FRMPD4: variants seen among roughly 807,000 people sequenced by gnomAD.
FRMPD4 encodes FERM and PDZ domain-containing protein 4.
FRMPD4 carries 22 observed loss-of-function variants against 94.1 expected under a neutral mutation model. That is an observed-to-expected ratio of 0.23 (90% CI 0.17 to 0.33). The LOEUF (loss-of-function observed/expected upper bound fraction) is 0.33. FRMPD4 is among the 10% of genes least tolerant of loss of function. FRMPD4 has a pLI of 1.00. For missense variants in FRMPD4, 1,111 were observed against 1,339.9 expected (o/e 0.83, Z 2.67); for synonymous variants, 631 against 548.6 (o/e 1.15, Z -2.10).
chrX:11,916,603 C>G (rs753775688), intron 3 of FRMPD4, among the ~76,000 whole-genome samples: 103 of 111,073 alleles, frequency 9.3e-4, no homozygotes, highest in African/African-American at 3.2e-3. Context: ...TATCTCACCT[C>G]CCATGAAGGC....
intron 3 of FRMPD4, among the ~76,000 whole-genome samples, chrX:12,024,339 T>A (rs1032430872): frequency 1.8e-5 from 2 of 112,114 alleles, no homozygotes; most frequent in African/African-American, 6.5e-5. Flanking sequence ...TTATATACCA[T>A]TGTACAGATG....
intron 2 of FRMPD4, among the ~76,000 whole-genome samples, chrX:12,522,854 C>G (rs1296705717): frequency 9.0e-6 from 1 of 111,687 alleles, no homozygotes; most frequent in Non-Finnish European, 1.9e-5. Context: ...CTGCCCACCT[C>G]TGCCTCCCAT....
intron 3 of FRMPD4, among the ~76,000 whole-genome samples, chrX:12,120,001 A>T (rs779856186): frequency 1.2e-4 from 14 of 112,442 alleles, no homozygotes; most frequent in Non-Finnish European, 2.3e-4. Context: ...TTTCTTAATG[A>T]ACTATTCTAG....
chrX:12,511,380 TAAAC>T (rs2058040665), intron 2 of FRMPD4, among the ~76,000 whole-genome samples: 2 of 111,408 alleles, frequency 1.8e-5, no homozygotes, highest in African/African-American at 6.5e-5. Flanking sequence ...GGAACACAGA[TAAAC>T]AACTAAATAA....
chrX:12,613,191 T>C (rs113155293), intron 3 of FRMPD4, among the ~76,000 whole-genome samples: 225 of 112,500 alleles, frequency 2.0e-3, no homozygotes, highest in African/African-American at 6.9e-3. Flanking sequence ...TGGGAGGTAA[T>C]TGCACATGTC....
chrX:12,416,526 G>A (rs897105357), intron 1 of FRMPD4, among the ~76,000 whole-genome samples: 14 of 112,132 alleles, frequency 1.2e-4, no homozygotes, highest in East Asian at 8.3e-4. Context: ...GTTCTTTTTC[G>A]ATTTATGTAA....
At chrX:12,233,940 C>T (rs1265454297) in intron 1 of FRMPD4, among the ~76,000 whole-genome samples, 1 of 110,826 alleles carries the variant, frequency 9.0e-6, no homozygotes, top group Non-Finnish European at 1.9e-5. Context: ...ATATCTTCTG[C>T]CATTTCCTTC....
chrX:12,629,357 G>A (rs966247048), intron 4 of FRMPD4, among the ~76,000 whole-genome samples: 2 of 112,015 alleles, frequency 1.8e-5, no homozygotes, highest in Non-Finnish European at 3.8e-5. Context: ...AAACTTTGGT[G>A]ACTATTTCAA....
chrX:12,193,840 AAG>A (rs2056533577), intron 1 of FRMPD4, among the ~76,000 whole-genome samples: 1 of 79,529 alleles, frequency 1.3e-5, no homozygotes, highest in African/African-American at 5.1e-5. Flanking sequence ...GGAAGGAAGA[AAG>A]AAAAGAAAGA....
In FRMPD4 at chrX:12,238,339, G is replaced by A. The variant is rs758790786; in HGVS notation, c.41+99327G>A. On this transcript the variant is annotated intron_variant, in intron 1 of 16. Transcript: ENST00000675598. ...GGGTTTCTCCGTGTTGGTCAGGCTG[G>A]TCTCGAACTCTCGACCTCAGGTGAT... Among the ~76,000 whole-genome samples the A allele has an allele frequency of 2.7e-5, 3 of 110,236 alleles. No individual in the cohort carries two copies. The South Asian group carries it at 1.2e-3, about 44-fold the overall frequency.
chrX:12,111,007 T>C (rs1003208740), intron 3 of FRMPD4, among the ~76,000 whole-genome samples: 1 of 111,700 alleles, frequency 9.0e-6, no homozygotes, highest in Admixed American at 9.5e-5. Flanking sequence ...AGGTAATTTA[T>C]AGATTCAATG....
chrX:11,945,859 G>A (rs779758063), intron 3 of FRMPD4, among the ~76,000 whole-genome samples: 9 of 111,825 alleles, frequency 8.0e-5, no homozygotes, highest in African/African-American at 1.3e-4. Flanking sequence ...GTGAGATTTG[G>A]AGGAGACAAA....
chrX:12,530,852 T>C (rs766832155), intron 2 of FRMPD4, among the ~76,000 whole-genome samples: 1 of 111,801 alleles, frequency 8.9e-6, no homozygotes, highest in Admixed American at 9.6e-5. Flanking sequence ...GATGGATGAA[T>C]AGATGAATGG....
chrX:12,110,909 T>C (rs765382678), intron 3 of FRMPD4, among the ~76,000 whole-genome samples: 1 of 110,875 alleles, frequency 9.0e-6, no homozygotes, highest in African/African-American at 3.3e-5. Flanking sequence ...CACTGCTCAA[T>C]GAAATAAAAG....
chrX:12,538,322 C>T (rs1007253831), intron 2 of FRMPD4, among the ~76,000 whole-genome samples: 1 of 111,228 alleles, frequency 9.0e-6, no homozygotes, highest in African/African-American at 3.3e-5. Context: ...GTAAATAAAG[C>T]GGCCAGGAAG....
At chrX:11,903,147 A>C (rs1445688306) in intron 3 of FRMPD4, among the ~76,000 whole-genome samples, 3 of 112,142 alleles carry the variant, frequency 2.7e-5, no homozygotes, top group Non-Finnish European at 5.6e-5. Flanking sequence ...AGTCTAATCT[A>C]CCACTGGACA....
At chrX:12,005,260 G>A (rs2054545915) in intron 3 of FRMPD4, among the ~76,000 whole-genome samples, 1 of 108,511 alleles carries the variant, frequency 9.2e-6, no homozygotes, top group South Asian at 4.0e-4. Flanking sequence ...TTCCGATTCA[G>A]TAGGTCTGGG....
intron 1 of FRMPD4, among the ~76,000 whole-genome samples, chrX:12,434,501 T>C (rs777450444): frequency 6.2e-5 from 7 of 112,410 alleles, no homozygotes; most frequent in Non-Finnish European, 1.1e-4. Flanking sequence ...CATCTCTGCC[T>C]TAAACTCTCC....
intron 1 of FRMPD4, among the ~76,000 whole-genome samples, chrX:12,449,298 G>T (rs1339910639): frequency 8.9e-6 from 1 of 112,093 alleles, no homozygotes; most frequent in African/African-American, 3.2e-5. Context: ...GATCCTCACT[G>T]TCCTTGAGTG....
Sources: allele counts gnomAD v4.1 joint callset (sites outside exome capture counted in the v4.1 genomes callset), GRCh38; gene constraint gnomAD v4.1.1; transcripts MANE v1.5; gene names NCBI Gene and HGNC (gene_info 2026-07-23, HGNC 2026-07-21).